Variants in IL1RAPL2 observed in about 807,000 individuals in gnomAD.
IL1RAPL2 encodes the protein X-linked interleukin-1 receptor accessory protein-like 2.
In IL1RAPL2, 3 loss-of-function variants were observed where a neutral mutation model predicts 44.1. The observed-to-expected ratio is 0.07, with a 90% CI of 0.03 to 0.18. IL1RAPL2 has a LOEUF of 0.18. IL1RAPL2 is among the 10% of genes least tolerant of loss of function. The pLI, the probability that IL1RAPL2 is intolerant of heterozygous loss-of-function variation, is 1.00. For synonymous variants in IL1RAPL2, 181 were observed against 178.8 expected (o/e 1.01, Z -0.10); for missense variants, 391 against 496.4 (o/e 0.79, Z 2.02).
chrX:104,814,422 G>C (rs1921080952), intron 2 of IL1RAPL2, among the ~76,000 whole-genome samples: 1 of 112,064 alleles, frequency 8.9e-6, no homozygotes, highest in African/African-American at 3.2e-5. Flanking sequence ...TTCCCTAACA[G>C]GATTTGAAAC....
rs1175934816 is a variant in IL1RAPL2, at chrX:105,018,605, A to T, written c.83-176870A>T. ...ACCTAGTAAGGCAGTACTGTGTTTAACATAGTTTAACCTCTCTGCACCTCA... is the reference window on the plus strand; with the variant it reads ...ACCTAGTAAGGCAGTACTGTGTTTATCATAGTTTAACCTCTCTGCACCTCA... On this transcript the variant is annotated intron_variant, in intron 2 of 10. Transcript: ENST00000372582. 4.5e-5 allele frequency among the ~76,000 whole-genome samples: 5 copies of T among 111,488 alleles called. No homozygotes were observed. In the East Asian group the frequency reaches 1.4e-3, roughly 31 times the overall value.
intron 2 of IL1RAPL2, among the ~76,000 whole-genome samples, chrX:105,099,459 T>C (rs1042581613): frequency 4.0e-5 from 3 of 74,520 alleles, no homozygotes; most frequent in African/African-American, 1.5e-4. Context: ...CATACTTTTT[T>C]TTTTTTTTTT....
intron 2 of IL1RAPL2, among the ~76,000 whole-genome samples, chrX:104,693,764 C>G: frequency 8.9e-6 from 1 of 111,954 alleles, no homozygotes; most frequent in Non-Finnish European, 1.9e-5. Flanking sequence ...ATAAAACATT[C>G]AGCCATCCAG....
At chrX:105,656,127 C>G (rs2037675696) in intron 6 of IL1RAPL2, among the ~76,000 whole-genome samples, 1 of 111,901 alleles carries the variant, frequency 8.9e-6, no homozygotes. Context: ...CTACTATTCT[C>G]AGCCTCTGGT....
At chrX:105,514,589 A>G (rs986038484) in intron 6 of IL1RAPL2, among the ~76,000 whole-genome samples, 1 of 112,588 alleles carries the variant, frequency 8.9e-6, no homozygotes, top group Non-Finnish European at 1.9e-5. Context: ...GCATTACGTT[A>G]CAACTCACGA....
At position 105,394,587 on chromosome X, in the gene IL1RAPL2, T is replaced by A. The variant is rs714409; in HGVS notation, c.698-89726T>A. ...ACCTATTTAATTGCTACTTATAAATTTACCTTACCAAAACTCTCCTTCTTT... is the reference window on the plus strand; with the variant it reads ...ACCTATTTAATTGCTACTTATAAATATACCTTACCAAAACTCTCCTTCTTT... On this transcript the variant is annotated intron_variant, in intron 5 of 10. Coordinates refer to ENST00000372582, the MANE Select transcript of IL1RAPL2 (RefSeq NM_017416.2). Among the ~76,000 whole-genome samples the A allele has an allele frequency of 4.2e-3, 470 of 110,961 alleles. 5 individuals are homozygous for A. The highest frequency in any genetic ancestry group is 0.015 in the African/African-American group (444 of 30,524).
At chrX:105,765,684 A>T (rs1022111726) in intron 10 of IL1RAPL2, among the ~76,000 whole-genome samples, 1 of 112,712 alleles carries the variant, frequency 8.9e-6, no homozygotes, top group South Asian at 3.6e-4. Context: ...GCTCATTTTC[A>T]CTTGTAAAAG....
intron 2 of IL1RAPL2, among the ~76,000 whole-genome samples, chrX:105,089,275 T>G (rs2032513828): frequency 9.0e-6 from 1 of 111,243 alleles, no homozygotes; most frequent in Non-Finnish European, 1.9e-5. Context: ...AAATGTCCCT[T>G]ATTATCCCCA....
Position 105,746,299 on chromosome X carries a change from G to A in IL1RAPL2, c.1049-2661G>A, listed in dbSNP as rs759626486. Among the ~76,000 whole-genome samples, 10 of 112,518 alleles carry A rather than the reference G, an allele frequency of 8.9e-5. No homozygotes were observed. The East Asian group carries it at 2.2e-3, about 25-fold the overall frequency. On this transcript the variant is annotated intron_variant, in intron 8 of 10. Transcript: ENST00000372582. The stretch of plus-strand genomic sequence containing the variant: ...AAAAGTTACAAGCCCATAAATATTT[G>A]CTGTTCTTGCTACAGCTCTCTTTGT...
intron 4 of IL1RAPL2, among the ~76,000 whole-genome samples, chrX:105,256,926 TG>T (rs1373887668): frequency 5.4e-5 from 6 of 111,689 alleles, no homozygotes; most frequent in African/African-American, 2.0e-4. Context: ...AATGGTTTTT[TG>T]TGTCTCAATT....
At chrX:104,775,858 G>GA (rs1056811192) in intron 2 of IL1RAPL2, among the ~76,000 whole-genome samples, 69 of 105,517 alleles carry the variant, frequency 6.5e-4, no homozygotes, top group South Asian at 4.6e-3. Flanking sequence ...AAGGGTTTAT[G>GA]AAAAAAAAAA....
chrX:105,377,114 C>T (rs750728547), intron 5 of IL1RAPL2, among the ~76,000 whole-genome samples: 1 of 111,490 alleles, frequency 9.0e-6, no homozygotes, highest in Non-Finnish European at 1.9e-5. Flanking sequence ...GTTACACAAG[C>T]TTAGAGGATG....
chrX:105,218,323 A>G (rs934506064), intron 3 of IL1RAPL2, among the ~76,000 whole-genome samples: 1 of 111,196 alleles, frequency 9.0e-6, no homozygotes, highest in Non-Finnish European at 1.9e-5. Context: ...ACCCAGTTCT[A>G]TTCCTCCACA....
At chrX:105,598,209 A>G (rs961141568) in intron 6 of IL1RAPL2, among the ~76,000 whole-genome samples, 2 of 111,097 alleles carry the variant, frequency 1.8e-5, no homozygotes, top group East Asian at 2.8e-4. Flanking sequence ...AGCCACAGAA[A>G]GAAAAATGCT....
At chrX:105,255,811 A>C (rs150585205) in intron 4 of IL1RAPL2, among the ~76,000 whole-genome samples, 1 of 111,108 alleles carries the variant, frequency 9.0e-6, no homozygotes, top group African/African-American at 3.3e-5. Flanking sequence ...GGTTCTTATT[A>C]TTTTCAGATA....
intron 2 of IL1RAPL2, among the ~76,000 whole-genome samples, chrX:104,672,049 G>C (rs751273461): frequency 2.1e-4 from 23 of 111,789 alleles, no homozygotes; most frequent in Admixed American, 2.0e-3. Flanking sequence ...GTATGAACTA[G>C]CTAAGAACAG....
At chrX:104,945,266 C>T (rs965116554) in intron 2 of IL1RAPL2, among the ~76,000 whole-genome samples, 1 of 110,316 alleles carries the variant, frequency 9.1e-6, no homozygotes, top group South Asian at 3.8e-4. Context: ...TAAAGAAAAA[C>T]ATAAGAACTT....
At chrX:105,031,316 T>C (rs900914614) in intron 2 of IL1RAPL2, among the ~76,000 whole-genome samples, 3 of 108,263 alleles carry the variant, frequency 2.8e-5, no homozygotes, top group Non-Finnish European at 5.7e-5. Flanking sequence ...ATCCCTGTCT[T>C]GTGCCAGTTT....
At chrX:105,348,205 C>T (rs1207867889) in intron 5 of IL1RAPL2, among the ~76,000 whole-genome samples, 1 of 111,732 alleles carries the variant, frequency 8.9e-6, no homozygotes, top group East Asian at 2.8e-4. Flanking sequence ...CTTTGAGCTA[C>T]CAGCACTTAT....
Sources: allele counts gnomAD v4.1 joint callset (sites outside exome capture counted in the v4.1 genomes callset), GRCh38; gene constraint gnomAD v4.1.1; transcripts MANE v1.5; gene names NCBI Gene and HGNC (gene_info 2026-07-23, HGNC 2026-07-21).